The following NELL2 variants were observed in gnomAD, a reference collection of about 807,000 sequenced individuals.
NELL2 encodes protein kinase C-binding protein NELL2.
A neutral mutation model predicts 109.6 loss-of-function variants in NELL2; 41 were observed. That is an observed-to-expected ratio of 0.37 (90% CI 0.29 to 0.49). The LOEUF (loss-of-function observed/expected upper bound fraction) is 0.49. NELL2 is among the 20% of genes least tolerant of loss of function. NELL2 has a pLI of 0.98. For synonymous variants in NELL2, 355 were observed against 344.7 expected (o/e 1.03, Z -0.33); for missense variants, 900 against 1,008.3 (o/e 0.89, Z 1.45).
chr12:44,834,322 T>C (rs1441986683), intron 2 of NELL2, among the ~76,000 whole-genome samples: 4 of 152,106 alleles, frequency 2.6e-5, no homozygotes, highest in African/African-American at 9.7e-5. Context: ...ATGTCACTCT[T>C]TTCTCTTGTT....
intron 9 of NELL2, among the ~76,000 whole-genome samples, chr12:44,715,095 G>T (rs964152811): frequency 6.6e-6 from 1 of 151,696 alleles, no homozygotes; most frequent in Non-Finnish European, 1.5e-5. Flanking sequence ...TAAATCAGGG[G>T]TAATATGAGA....
chr12:44,755,907 G>T (rs1220825360), intron 9 of NELL2, among the ~76,000 whole-genome samples: 2 of 152,146 alleles, frequency 1.3e-5, no homozygotes. Context: ...GGTTGTAAAA[G>T]GTTAGGGACA....
intron 2 of NELL2, among the ~76,000 whole-genome samples, chr12:44,859,859 A>T (rs2136803052): frequency 6.6e-6 from 1 of 152,186 alleles, no homozygotes; most frequent in East Asian, 1.9e-4. Flanking sequence ...AAATCAAGGC[A>T]GTGTTCCTCT....
intron 9 of NELL2, among the ~76,000 whole-genome samples, chr12:44,735,655 A>C (rs1939600161): frequency 6.6e-6 from 1 of 152,110 alleles, no homozygotes; most frequent in Non-Finnish European, 1.5e-5. Flanking sequence ...AGAAGAAAAG[A>C]CCCTCATAGC....
intron 15 of NELL2, among the ~76,000 whole-genome samples, chr12:44,564,053 G>T (rs1943569744): frequency 6.6e-6 from 1 of 152,130 alleles, no homozygotes; most frequent in Non-Finnish European, 1.5e-5. Flanking sequence ...TTAAATGAAT[G>T]ACTTTGTGAT....
chr12:44,747,240 A>T (rs1940418906), intron 9 of NELL2, among the ~76,000 whole-genome samples: 1 of 150,798 alleles, frequency 6.6e-6, no homozygotes, highest in South Asian at 2.1e-4. Context: ...ATATGTGGGA[A>T]TTGAACAATG....
At chr12:44,791,098 T>TATACAC (rs1555217719) in intron 3 of NELL2, among the ~76,000 whole-genome samples, 1 of 16,338 alleles carries the variant, frequency 6.1e-5, no homozygotes, top group African/African-American at 2.1e-4. Context: ...TATATATATG[T>TATACAC]ATATATATAT....
intron 16 of NELL2, among the ~76,000 whole-genome samples, chr12:44,530,544 G>A (rs1396172611): frequency 1.3e-5 from 2 of 152,150 alleles, no homozygotes; most frequent in Non-Finnish European, 2.9e-5. Context: ...TTGAATGTGG[G>A]ATGTACTTAT....
chr12:44,516,945 A>C (rs1208805017), intron 19 of NELL2, among the ~76,000 whole-genome samples: 1 of 148,784 alleles, frequency 6.7e-6, no homozygotes, highest in African/African-American at 2.5e-5. Context: ...TAGAAGCACT[A>C]ATCTTTTCTT....
chr12:44,738,664 G>GA (rs143245011), intron 9 of NELL2, among the ~76,000 whole-genome samples: 4,111 of 152,214 alleles, frequency 0.027, 185 homozygotes, highest in African/African-American at 0.092. Flanking sequence ...TGGTCAGGGG[G>GA]AAGGAGAGGA....
intron 12 of NELL2, among the ~76,000 whole-genome samples, chr12:44,682,700 G>C (rs1288154792): frequency 2.6e-5 from 4 of 152,094 alleles, no homozygotes; most frequent in South Asian, 2.1e-4. Context: ...TCTTGTTTTT[G>C]TCAGGTTTGT....
chr12:44,902,106 A>T (rs1343808034), intron 1 of NELL2, among the ~76,000 whole-genome samples: 2 of 152,236 alleles, frequency 1.3e-5, no homozygotes, highest in Admixed American at 1.3e-4. Flanking sequence ...ACAGGAAGTC[A>T]AATTGTCTCT....
chr12:44,530,765 C>T (rs1171358449), intron 16 of NELL2, among the ~76,000 whole-genome samples: 6 of 152,010 alleles, frequency 3.9e-5, no homozygotes, highest in African/African-American at 1.5e-4. Flanking sequence ...AAACAGATTC[C>T]CACTCCCCCC....
chr12:44,819,499 A>T (rs1232650875), intron 2 of NELL2, among the ~76,000 whole-genome samples: 1 of 152,202 alleles, frequency 6.6e-6, no homozygotes, highest in Non-Finnish European at 1.5e-5. Context: ...AGGCATGTTG[A>T]TGAGGGAAGG....
chr12:44,655,928 A>G (rs138830395), intron 13 of NELL2, among the ~76,000 whole-genome samples: 2 of 152,356 alleles, frequency 1.3e-5, no homozygotes, highest in African/African-American at 4.8e-5. Flanking sequence ...GATATATGCC[A>G]CAATTTCCTG....
At chr12:44,635,207 A>G (rs185988961) in intron 13 of NELL2, among the ~76,000 whole-genome samples, 34 of 152,268 alleles carry the variant, frequency 2.2e-4, no homozygotes, top group Admixed American at 2.2e-3. Context: ...GATAGATTGC[A>G]AAAATCTTCT....
At chr12:44,728,231 T>C (rs1939183542) in intron 9 of NELL2, among the ~76,000 whole-genome samples, 1 of 152,050 alleles carries the variant, frequency 6.6e-6, no homozygotes, top group Admixed American at 6.6e-5. Flanking sequence ...AGTTGGAATA[T>C]CAATAGACAG....
Position 44,630,115 on chromosome 12 carries a change from G to C in NELL2, c.1445-19145C>G, listed in dbSNP as rs528769708. On this transcript the variant is annotated intron_variant, in intron 13 of 19. Transcript: ENST00000429094. ...CTTTGAAGATATATAATTTGTACTT[G>C]TATAATTAAGAAGACTTGATATGAA... Among the ~76,000 whole-genome samples the C allele has an allele frequency of 3.0e-4, 45 of 152,224 alleles. No individual in the cohort carries two copies. The South Asian group carries it at 8.9e-3, about 30-fold the overall frequency.
intron 9 of NELL2, among the ~76,000 whole-genome samples, chr12:44,745,320 T>TG (rs1252465096): frequency 6.6e-6 from 1 of 152,106 alleles, no homozygotes; most frequent in Non-Finnish European, 1.5e-5. Context: ...AAGCGCAATC[T>TG]ATGACAAACC....
Sources: allele counts gnomAD v4.1 joint callset (sites outside exome capture counted in the v4.1 genomes callset), GRCh38; gene constraint gnomAD v4.1.1; transcripts MANE v1.5; gene names NCBI Gene and HGNC (gene_info 2026-07-23, HGNC 2026-07-21).